The following PLPPR1 variants were observed in gnomAD, a reference collection of about 807,000 sequenced individuals.
PLPPR1 encodes the protein phospholipid phosphatase-related protein type 1.
In PLPPR1, 10 loss-of-function variants were observed where a neutral mutation model predicts 33.1. That is an observed-to-expected ratio of 0.30 (90% CI 0.19 to 0.51). PLPPR1 has a LOEUF of 0.51. Ranked by LOEUF, PLPPR1 falls within the 20% of genes least tolerant of loss-of-function variation. The probability of loss-of-function intolerance (pLI) is 0.97; values close to 1 mark genes in which losing one functional copy is unlikely to be tolerated. For synonymous variants in PLPPR1, 151 were observed against 151.0 expected, an observed-to-expected ratio of 1.00 and a Z score of 0.00; for missense variants, 304 against 408.1, an observed-to-expected ratio of 0.74 and a Z score of 2.20.
intron 1 of PLPPR1, among the ~76,000 whole-genome samples, chr9:101,037,098 A>G (rs1318922711): frequency 6.6e-6 from 1 of 152,140 alleles, no homozygotes; most frequent in Non-Finnish European, 1.5e-5. Context: ...CAGCTTGTCC[A>G]TGTTAACTGG....
chr9:101,177,055 A>T (rs1055525378), intron 1 of PLPPR1, among the ~76,000 whole-genome samples: 1 of 152,202 alleles, frequency 6.6e-6, no homozygotes, highest in Non-Finnish European at 1.5e-5. Context: ...AGAAAGTATG[A>T]TGCCTCCAGC....
intron 2 of PLPPR1, among the ~76,000 whole-genome samples, chr9:101,249,718 T>C (rs893724068): frequency 1.3e-5 from 2 of 152,130 alleles, no homozygotes; most frequent in Admixed American, 1.3e-4. Flanking sequence ...GTGAGCGTTA[T>C]GAAATGGTAC....
At chr9:101,312,054 TA>T (rs1393643947) in intron 5 of PLPPR1, among the ~76,000 whole-genome samples, 1 of 152,216 alleles carries the variant, frequency 6.6e-6, no homozygotes, top group Non-Finnish European at 1.5e-5. Context: ...TCAGGTGTCA[TA>T]ACGTGTATCA....
intron 1 of PLPPR1, among the ~76,000 whole-genome samples, chr9:101,075,502 C>G (rs1175268912): frequency 6.6e-6 from 1 of 152,170 alleles, no homozygotes; most frequent in Non-Finnish European, 1.5e-5. Flanking sequence ...TGACGTAGGT[C>G]ACAAACAGTT....
chr9:101,112,348 C>T (rs1021766727), intron 1 of PLPPR1, among the ~76,000 whole-genome samples: 5 of 152,140 alleles, frequency 3.3e-5, no homozygotes, highest in Non-Finnish European at 7.4e-5. Flanking sequence ...AGTTTATTTT[C>T]ATGAATAGCA....
intron 4 of PLPPR1, among the ~76,000 whole-genome samples, chr9:101,295,249 G>A (rs375740309): frequency 1.1e-3 from 163 of 150,628 alleles, no homozygotes; most frequent in South Asian, 8.2e-3. Flanking sequence ...TACAAGGGAC[G>A]TGAAGGACCT....
intron 2 of PLPPR1, among the ~76,000 whole-genome samples, chr9:101,247,544 G>A (rs1827633441): frequency 6.6e-6 from 1 of 152,072 alleles, no homozygotes; most frequent in African/African-American, 2.4e-5. Flanking sequence ...GTTGTCTTTA[G>A]GCACTTGAGA....
intron 1 of PLPPR1, among the ~76,000 whole-genome samples, chr9:101,065,523 A>G (rs1048941565): frequency 4.6e-5 from 7 of 152,094 alleles, no homozygotes; most frequent in Non-Finnish European, 1.0e-4. Flanking sequence ...TTTATAACAA[A>G]TGGGTCAAAA....
chr9:101,077,965 A>G (rs981983897), intron 1 of PLPPR1, among the ~76,000 whole-genome samples: 3 of 151,108 alleles, frequency 2.0e-5, no homozygotes, highest in African/African-American at 7.3e-5. Context: ...GTAAATGTTT[A>G]TGATCATTCC....
intron 1 of PLPPR1, among the ~76,000 whole-genome samples, chr9:101,077,490 A>G (rs1160318110): frequency 1.3e-5 from 2 of 152,266 alleles, no homozygotes; most frequent in African/African-American, 2.4e-5. Flanking sequence ...TATGCATTCA[A>G]ATAGTGCTAA....
intron 2 of PLPPR1, among the ~76,000 whole-genome samples, chr9:101,242,778 C>T (rs868433357): frequency 6.6e-6 from 1 of 151,998 alleles, no homozygotes; most frequent in African/African-American, 2.4e-5. Context: ...ATTAAGTGCT[C>T]ACTGTGTACT....
At chr9:101,085,584 T>C (rs1321237385) in intron 1 of PLPPR1, among the ~76,000 whole-genome samples, 1 of 152,062 alleles carries the variant, frequency 6.6e-6, no homozygotes. Context: ...AAAGATACTA[T>C]AGGAATAGAG....
chr9:101,127,401 G>A (rs1403506431), intron 1 of PLPPR1, among the ~76,000 whole-genome samples: 2 of 152,220 alleles, frequency 1.3e-5, no homozygotes, highest in African/African-American at 4.8e-5. Context: ...TGCAGAGGCT[G>A]TGAAGGCCCT....
chr9:101,131,180 G>A (rs180733435), intron 1 of PLPPR1, among the ~76,000 whole-genome samples: 4 of 152,248 alleles, frequency 2.6e-5, no homozygotes, highest in Admixed American at 2.0e-4. Context: ...ATTGCCTATT[G>A]TAATGCCCTG....
intron 1 of PLPPR1, among the ~76,000 whole-genome samples, chr9:101,176,650 C>G (rs1826023691): frequency 6.6e-6 from 1 of 152,030 alleles, no homozygotes; most frequent in Non-Finnish European, 1.5e-5. Context: ...CCTCTCTACC[C>G]ATGTATAATA....
intron 1 of PLPPR1, among the ~76,000 whole-genome samples, chr9:101,123,878 C>T (rs1317320590): frequency 6.6e-6 from 1 of 152,108 alleles, no homozygotes; most frequent in East Asian, 1.9e-4. Flanking sequence ...CCACCTTTAG[C>T]ACAGAGCTTG....
intron 1 of PLPPR1, among the ~76,000 whole-genome samples, chr9:101,127,891 CAGAT>C (rs1831265597): frequency 6.6e-6 from 1 of 151,994 alleles, no homozygotes; most frequent in African/African-American, 2.4e-5. Flanking sequence ...GAGAATGAAA[CAGAT>C]AGATAGTTAG....
At chr9:101,321,734 TA>T (rs1459770192) in intron 7 of PLPPR1, among the ~76,000 whole-genome samples, 1 of 148,430 alleles carries the variant, frequency 6.7e-6, no homozygotes, top group Non-Finnish European at 1.5e-5. Flanking sequence ...GGGAAAAATA[TA>T]TATAATTATA....
intron 1 of PLPPR1, among the ~76,000 whole-genome samples, chr9:101,064,347 A>AGAATGAATGAATGAAT (rs34535403): frequency 1.3e-5 from 2 of 150,306 alleles, no homozygotes; most frequent in South Asian, 4.2e-4. Context: ...TAATATTTAT[A>AGAATGAATGAATGAAT]GAATGAATGA....
Sources: gnomAD v4.1 joint callset for allele counts (sites outside exome capture counted in the v4.1 genomes callset) on GRCh38, gnomAD v4.1.1 for gene constraint, MANE v1.5 for transcripts, NCBI Gene and HGNC (gene_info 2026-07-23, HGNC 2026-07-21) for gene names.